Variants in IL1RAPL2 observed in about 807,000 individuals in gnomAD.
IL1RAPL2 encodes the protein interleukin 1 receptor accessory protein like 2, also known as X-linked interleukin-1 receptor accessory protein-like 2.
A neutral mutation model predicts 44.1 loss-of-function variants in IL1RAPL2; 3 were observed. The ratio of observed to expected loss-of-function variants is 0.07; its 90% CI spans 0.03 to 0.18. The LOEUF (loss-of-function observed/expected upper bound fraction) is 0.18. Ranked by LOEUF, IL1RAPL2 falls within the 10% of genes least tolerant of loss-of-function variation. The pLI, the probability that IL1RAPL2 is intolerant of heterozygous loss-of-function variation, is 1.00. For missense variants in IL1RAPL2, 391 were observed against 496.4 expected, an observed-to-expected ratio of 0.79 and a Z score of 2.02; for synonymous variants, 181 against 178.8, an observed-to-expected ratio of 1.01 and a Z score of -0.10.
intron 2 of IL1RAPL2, among the ~76,000 whole-genome samples, chrX:104,762,633 A>G (rs1014540890): frequency 3.5e-5 from 4 of 112,824 alleles, no homozygotes; most frequent in Admixed American, 9.3e-5. Context: ...GAGGTTCTCT[A>G]TGGGGGCTCC....
chrX:105,554,160 A>G (rs1190899467), intron 6 of IL1RAPL2, among the ~76,000 whole-genome samples: 1 of 112,564 alleles, frequency 8.9e-6, no homozygotes, highest in Non-Finnish European at 1.9e-5. Flanking sequence ...CAGATGGCCT[A>G]TTTCTAAGGA....
At chrX:105,174,263 C>T (rs909781965) in intron 2 of IL1RAPL2, among the ~76,000 whole-genome samples, 2 of 111,605 alleles carry the variant, frequency 1.8e-5, no homozygotes, top group Admixed American at 1.9e-4. Flanking sequence ...CCTGCTTCCC[C>T]ACGGATGAAG....
chrX:105,454,438 C>G (rs923988785), intron 5 of IL1RAPL2, among the ~76,000 whole-genome samples: 1 of 111,215 alleles, frequency 9.0e-6, no homozygotes, highest in Non-Finnish European at 1.9e-5. Context: ...ACACAAAAGG[C>G]TATAATGTCA....
At chrX:104,814,585 A>G (rs1392223300) in intron 2 of IL1RAPL2, among the ~76,000 whole-genome samples, 1 of 111,960 alleles carries the variant, frequency 8.9e-6, no homozygotes, top group African/African-American at 3.2e-5. Flanking sequence ...ATAGAGGAAG[A>G]CCTTTAGATT....
intron 6 of IL1RAPL2, among the ~76,000 whole-genome samples, chrX:105,680,892 C>T (rs995837240): frequency 4.5e-5 from 5 of 111,662 alleles, no homozygotes; most frequent in South Asian, 3.8e-4. Flanking sequence ...CAGCAGCCTT[C>T]GGAAATGAGG....
chrX:105,161,002 G>A (rs778745045), intron 2 of IL1RAPL2, among the ~76,000 whole-genome samples: 2 of 111,413 alleles, frequency 1.8e-5, no homozygotes, highest in Admixed American at 9.6e-5. Context: ...CACTTTGGAA[G>A]GCCAAGGTGG....
chrX:105,645,412 G>A (rs2147840905), intron 6 of IL1RAPL2, among the ~76,000 whole-genome samples: 1 of 112,075 alleles, frequency 8.9e-6, no homozygotes, highest in African/African-American at 3.2e-5. Flanking sequence ...AAAATCTGTA[G>A]TCTTTGATAG....
chrX:105,198,576 G>T (rs1179641344), intron 3 of IL1RAPL2, among the ~76,000 whole-genome samples: 1 of 111,996 alleles, frequency 8.9e-6, no homozygotes, highest in Non-Finnish European at 1.9e-5. Flanking sequence ...ACCAATAGTG[G>T]TACATTATTA....
intron 2 of IL1RAPL2, among the ~76,000 whole-genome samples, chrX:105,102,034 G>A (rs2032677789): frequency 8.9e-6 from 1 of 111,941 alleles, no homozygotes; most frequent in Non-Finnish European, 1.9e-5. Flanking sequence ...AATGCGCAAT[G>A]TGTGGAGTGT....
intron 6 of IL1RAPL2, among the ~76,000 whole-genome samples, chrX:105,674,278 C>T (rs914586182): frequency 1.8e-5 from 2 of 110,706 alleles, no homozygotes; most frequent in African/African-American, 6.6e-5. Context: ...TGTAGATTTT[C>T]TTCTAGGGTT....
chrX:105,033,503 G>T (rs2031555128), intron 2 of IL1RAPL2, among the ~76,000 whole-genome samples: 4 of 111,516 alleles, frequency 3.6e-5, no homozygotes, highest in Non-Finnish European at 1.9e-5. Context: ...GGCTGGATAT[G>T]AAATTCTGGG....
At chrX:104,636,024 G>A (rs542502402) in intron 1 of IL1RAPL2, among the ~76,000 whole-genome samples, 6 of 111,802 alleles carry the variant, frequency 5.4e-5, no homozygotes, top group African/African-American at 2.0e-4. Flanking sequence ...GGGTTTTGGT[G>A]TGGATATCCT....
intron 5 of IL1RAPL2, among the ~76,000 whole-genome samples, chrX:105,423,782 G>T (rs1042499014): frequency 2.7e-4 from 30 of 109,574 alleles, no homozygotes; most frequent in African/African-American, 9.4e-4. Flanking sequence ...TTCCCTACTG[G>T]GAGCGAACTC....
intron 1 of IL1RAPL2, among the ~76,000 whole-genome samples, chrX:104,592,194 T>TGTGTGTGTGTGTG (rs3056008): frequency 2.0e-5 from 2 of 98,344 alleles, no homozygotes; most frequent in Non-Finnish European, 4.1e-5. Flanking sequence ...TGTGTGTGTG[T>TGTGTGTGTGTGTG]TATTGGAGGT....
At chrX:105,438,920 A>G (rs779341462) in intron 5 of IL1RAPL2, among the ~76,000 whole-genome samples, 1 of 110,120 alleles carries the variant, frequency 9.1e-6, no homozygotes, top group East Asian at 2.9e-4. Context: ...TCAGGGAGGG[A>G]CCTGGTGGAA....
At chrX:105,184,156 C>T (rs781987249) in intron 2 of IL1RAPL2, among the ~76,000 whole-genome samples, 2 of 111,607 alleles carry the variant, frequency 1.8e-5, no homozygotes, top group Non-Finnish European at 3.8e-5. Flanking sequence ...AGCAAGCGGC[C>T]TCACTTTCCT....
At chrX:105,169,799 G>A (rs1308341032) in intron 2 of IL1RAPL2, among the ~76,000 whole-genome samples, 2 of 109,513 alleles carry the variant, frequency 1.8e-5, no homozygotes, top group African/African-American at 6.7e-5. Flanking sequence ...CAAAGTGTTG[G>A]GATTACAGGT....
At chrX:105,308,752 C>CT (rs2034771888) in intron 5 of IL1RAPL2, among the ~76,000 whole-genome samples, 1 of 112,309 alleles carries the variant, frequency 8.9e-6, no homozygotes, top group African/African-American at 3.2e-5. Context: ...TATAAACACT[C>CT]TTGCACAAGT....
chrX:105,171,385 C>T (rs760620648), intron 2 of IL1RAPL2, among the ~76,000 whole-genome samples: 117 of 110,670 alleles, frequency 1.1e-3, no homozygotes, highest in African/African-American at 3.7e-3. Context: ...GAGAATAGGA[C>T]TGTGGAAATC....
Sources: allele counts gnomAD v4.1 joint callset (sites outside exome capture counted in the v4.1 genomes callset), GRCh38; gene constraint gnomAD v4.1.1; transcripts MANE v1.5; gene names NCBI Gene and HGNC (gene_info 2026-07-23, HGNC 2026-07-21).